UNC13C: variants seen among roughly 807,000 people sequenced by gnomAD.
The protein encoded by UNC13C is unc-13 homolog C, also known as protein unc-13 homolog C.
UNC13C carries 174 observed loss-of-function variants against 245.4 expected under a neutral mutation model. The ratio of observed to expected loss-of-function variants is 0.71; its 90% CI spans 0.63 to 0.80. The LOEUF (loss-of-function observed/expected upper bound fraction) is 0.80, where lower values mean the gene tolerates loss of function less well. UNC13C is among the 30% of genes least tolerant of loss of function. The pLI is 0.00. For missense variants in UNC13C, 2,829 were observed against 2,602.9 expected (o/e 1.09, Z -1.89); for synonymous variants, 992 against 895.1 (o/e 1.11, Z -1.93).
intron 4 of UNC13C, among the ~76,000 whole-genome samples, chr15:54,206,987 G>A (rs551769770): frequency 1.3e-5 from 2 of 151,960 alleles, no homozygotes; most frequent in Non-Finnish European, 2.9e-5. Context: ...TAAAACCCAA[G>A]GTACCCTAAG....
intron 2 of UNC13C, among the ~76,000 whole-genome samples, chr15:54,054,816 T>TG (rs1220555000): frequency 2.6e-5 from 4 of 152,112 alleles, no homozygotes; most frequent in East Asian, 1.9e-4. Context: ...TTTTATTTTT[T>TG]TTTGTTTGTT....
chr15:54,161,570 A>G (rs1232182549), intron 4 of UNC13C, among the ~76,000 whole-genome samples: 6 of 152,168 alleles, frequency 3.9e-5, no homozygotes, highest in Admixed American at 2.0e-4. Context: ...ATTTATTTCT[A>G]TAAGTTCAGA....
rs748808713 is a variant in UNC13C, at chr15:54,494,636, C to G, written c.4962C>G (p.Ser1654Arg). Residue 1654 changes from serine (S) to arginine (R), a missense_variant, in exon 20 of 33, where the codon AGC (serine) becomes AGG (arginine). Ser to Arg is a moderately radical substitution (Grantham distance 110). Coordinates refer to ENST00000260323, the MANE Select transcript of UNC13C (RefSeq NM_001080534.3). The part of the protein sequence containing the change: ...EEHENQRLCK[S>R]TDYMNLHFKV... ...ATGAAAATCAGCGGTTATGCAAGAG[C>G]ACCGATTATATGAATTTGCATTTCA... The G allele has an allele frequency of 1.2e-6, 2 of 1,609,802 alleles. No homozygotes were observed. The highest frequency in any genetic ancestry group is 1.3e-5 in the African/African-American group (1 of 74,746).
At chr15:54,609,545 T>G (rs989844626) in intron 30 of UNC13C, 1 of 152,212 alleles carries the variant, frequency 6.6e-6, no homozygotes, top group Admixed American at 6.5e-5. Context: ...TTTTTTTATA[T>G]GTTTAAACAT....
intron 26 of UNC13C, among the ~76,000 whole-genome samples, chr15:54,533,853 A>G (rs1350893765): frequency 6.6e-6 from 1 of 152,190 alleles, no homozygotes; most frequent in Non-Finnish European, 1.5e-5. Flanking sequence ...AAGCAACCAG[A>G]AACATGATTT....
chr15:53,999,534 A>G (rs535674550), intron 1 of UNC13C, among the ~76,000 whole-genome samples: 2 of 151,770 alleles, frequency 1.3e-5, no homozygotes, highest in African/African-American at 2.4e-5. Context: ...TTTATTACCT[A>G]TTTGTTAACT....
At chr15:54,626,758 T>C in intron 32 of UNC13C, 70 bp from the exon 33 acceptor site, 1 of 1,352,116 alleles carries the variant, frequency 7.4e-7, no homozygotes, top group Non-Finnish European at 1.0e-6. Flanking sequence ...TTCAGCAGTA[T>C]TTGAGAACCA....
rs80154862 is a variant in UNC13C, at chr15:54,143,788, C to A, written c.3071+104C>A. The A allele has an allele frequency of 4.7e-3, 3,469 of 740,722 alleles. 16 individuals are homozygous for A. Among genetic ancestry groups the A allele is most frequent in the South Asian group, 6.4e-3 (268 of 42,096 alleles). 45.9% of individuals were successfully genotyped at this position (740,722 alleles called of 1,614,324 possible). On this transcript the variant is annotated intron_variant, in intron 4 of 32. Transcript: ENST00000260323. ...TGCAAGATGCTGCATGATTAGCTAG[C>A]CTCATTGTTACTTCATTTTACAATA...
At chr15:54,562,534 G>A (rs992942602) in intron 29 of UNC13C, among the ~76,000 whole-genome samples, 1 of 151,908 alleles carries the variant, frequency 6.6e-6, no homozygotes. Flanking sequence ...AGCCAGTGAC[G>A]GGACCTCACT....
rs190003904 is a variant in UNC13C at position 54,545,605 on chromosome 15, C to T, written c.5697-1117C>T. On this transcript the variant is annotated intron_variant, in intron 26 of 32. Transcript: ENST00000260323. The stretch of plus-strand genomic sequence containing the variant: ...CTTAGTCTACTTAATCTATAAGGAA[C>T]TTAAACAAATTTACAAGAAAAAAAT... Among the ~76,000 whole-genome samples, 35 of 152,136 alleles carry T rather than the reference C, an allele frequency of 2.3e-4. No homozygotes were observed. In the East Asian group the frequency reaches 5.8e-3, roughly 25 times the overall value.
chr15:54,192,898 C>T (rs181322149), intron 4 of UNC13C, among the ~76,000 whole-genome samples: 324 of 148,214 alleles, frequency 2.2e-3, no homozygotes, highest in African/African-American at 7.8e-3. Flanking sequence ...TTTCTCTGTG[C>T]CACACACACA....
chr15:54,096,010 C>T (rs1899842285), intron 2 of UNC13C, among the ~76,000 whole-genome samples: 1 of 152,062 alleles, frequency 6.6e-6, no homozygotes, highest in Non-Finnish European at 1.5e-5. Flanking sequence ...AGGTGCAGAC[C>T]TTAGCTATAT....
At chr15:53,958,553 A>T in the UNC13C span, among the ~76,000 whole-genome samples, 2 of 152,196 alleles carry the variant, frequency 1.3e-5, no homozygotes, top group African/African-American at 4.8e-5. Context: ...TGACTTGCCC[A>T]AATTATCCCA....
At chr15:54,032,570 T>C (rs1373493727) in intron 2 of UNC13C, among the ~76,000 whole-genome samples, 3 of 152,178 alleles carry the variant, frequency 2.0e-5, no homozygotes, top group East Asian at 3.9e-4. Flanking sequence ...AAGGAAGATA[T>C]GTATATATAT....
chr15:54,136,547 T>C (rs984872280), intron 2 of UNC13C, among the ~76,000 whole-genome samples: 8 of 152,168 alleles, frequency 5.3e-5, no homozygotes, highest in South Asian at 2.1e-4. Context: ...ATTTTTTTCT[T>C]GCCTTATTTC....
At chr15:54,224,978 G>A (rs2035333955) in intron 4 of UNC13C, among the ~76,000 whole-genome samples, 1 of 148,498 alleles carries the variant, frequency 6.7e-6, no homozygotes. Flanking sequence ...AATATCTGTA[G>A]TATTGTTTGC....
chr15:54,525,875 CAG>C (rs1330649702), intron 25 of UNC13C, among the ~76,000 whole-genome samples: 1 of 152,182 alleles, frequency 6.6e-6, no homozygotes, highest in African/African-American at 2.4e-5. Flanking sequence ...ACACTATCCT[CAG>C]AGTTTTGTTT....
chr15:54,128,767 G>A (rs1022228985), intron 2 of UNC13C, among the ~76,000 whole-genome samples: 4 of 152,162 alleles, frequency 2.6e-5, no homozygotes, highest in Non-Finnish European at 5.9e-5. Flanking sequence ...GGAAATGGCT[G>A]GGAGTTGAGA....
At chr15:54,442,250 C>CTTTTTTTTT (rs35414078) in intron 19 of UNC13C, among the ~76,000 whole-genome samples, 2 of 127,442 alleles carry the variant, frequency 1.6e-5, no homozygotes, top group African/African-American at 2.9e-5. Flanking sequence ...TGTTCCAGTT[C>CTTTTTTTTT]TTTTTTTTTT....
Sources: gnomAD v4.1 joint callset for allele counts (sites outside exome capture counted in the v4.1 genomes callset) on GRCh38, gnomAD v4.1.1 for gene constraint, MANE v1.5 for transcripts, NCBI Gene and HGNC (gene_info 2026-07-23, HGNC 2026-07-21) for gene names.